The following MAOA variants were observed in gnomAD, a reference collection of about 807,000 sequenced individuals.
MAOA encodes the protein amine oxidase [flavin-containing] A.
In MAOA, 6 loss-of-function variants were observed where a neutral mutation model predicts 42.0. The ratio of observed to expected loss-of-function variants is 0.14; its 90% CI spans 0.08 to 0.28. The LOEUF (loss-of-function observed/expected upper bound fraction) is 0.28. Among genes scored for constraint, MAOA ranks in the 10% least tolerant of loss-of-function variants. MAOA has a pLI of 1.00. For synonymous variants in MAOA, 140 were observed against 154.0 expected, an observed-to-expected ratio of 0.91 and a Z score of 0.67; for missense variants, 262 against 422.3, an observed-to-expected ratio of 0.62 and a Z score of 3.33.
At chrX:43,655,280 C>G (rs1220126088), upstream of MAOA, 1 of 112,955 alleles carries the variant, frequency 8.9e-6, no homozygotes, top group Non-Finnish European at 1.9e-5. Context: ...CCAGCTTGGA[C>G]GACACCTCCT....
chrX:43,665,047 G>A (rs760975239), intron 1 of MAOA, among the ~76,000 whole-genome samples: 9 of 111,380 alleles, frequency 8.1e-5, no homozygotes, highest in African/African-American at 9.8e-5. Context: ...TGTCACTTTC[G>A]GGAATAAAGA....
intron 2 of MAOA, among the ~76,000 whole-genome samples, chrX:43,690,322 T>C (rs2033522557): frequency 9.0e-6 from 1 of 110,937 alleles, no homozygotes. Context: ...GTTTAATCCA[T>C]TCACGGAGTT....
intron 6 of MAOA, among the ~76,000 whole-genome samples, chrX:43,729,021 G>C (rs1158511054): frequency 2.7e-5 from 3 of 112,643 alleles, no homozygotes; most frequent in African/African-American, 9.7e-5. Context: ...GATGGTATGA[G>C]GTTTAATTAG....
At chrX:43,674,547 G>A (rs2147076445) in intron 1 of MAOA, among the ~76,000 whole-genome samples, 1 of 110,960 alleles carries the variant, frequency 9.0e-6, no homozygotes, top group South Asian at 3.9e-4. Flanking sequence ...AGTCTCAATG[G>A]TCTTTACATT....
intron 5 of MAOA, among the ~76,000 whole-genome samples, chrX:43,727,696 G>A (rs1186665905): frequency 8.9e-6 from 1 of 112,688 alleles, no homozygotes; most frequent in Non-Finnish European, 1.9e-5. Context: ...GCGCAAGAGT[G>A]TACCGTTCTT....
chrX:43,724,326 G>T (rs770636085), intron 5 of MAOA, among the ~76,000 whole-genome samples: 239 of 111,144 alleles, frequency 2.2e-3, no homozygotes, highest in Non-Finnish European at 2.1e-3. Context: ...TTTTTTGTTG[G>T]TAGGCTATTA....
At chrX:43,721,827 T>C (rs1304377778) in intron 5 of MAOA, among the ~76,000 whole-genome samples, 3 of 110,847 alleles carry the variant, frequency 2.7e-5, no homozygotes, top group Non-Finnish European at 5.7e-5. Flanking sequence ...CTCCTAATGC[T>C]ATCCCTCCCT....
intron 1 of MAOA, among the ~76,000 whole-genome samples, chrX:43,677,908 T>C (rs1199104029): frequency 1.8e-5 from 2 of 111,479 alleles, no homozygotes; most frequent in Non-Finnish European, 3.8e-5. Context: ...TTTGCTAGTG[T>C]TCACTTAGAC....
rs144545026 is a variant in MAOA, at chrX:43,683,481, T to C, written c.74-32T>C. On this transcript the variant is annotated intron_variant, in intron 1 of 14. Transcript: ENST00000338702. ...AAATCTTGGATTTTAAGCATTTGAA[T>C]GTTACGTTGCTCTTTTTTGTTTTTC... The C allele has an allele frequency of 1.3e-3, 1,416 of 1,055,368 alleles. 12 individuals carry two copies. In the African/African-American group the frequency reaches 0.02, roughly 15 times the overall value. 87.0% of individuals were successfully genotyped at this position (1,055,368 alleles called of 1,213,427 possible).
At chrX:43,656,279 T>A, upstream of MAOA, 1 of 1,050,298 alleles carries the variant, frequency 9.5e-7, no homozygotes, top group East Asian at 3.1e-5. Flanking sequence ...GATAGAAGGG[T>A]CCTTCCCACC....
chrX:43,728,078 A>T lies in MAOA; in HGVS notation c.504-95A>T, dbSNP rs1364269439. On this transcript the variant is annotated intron_variant, in intron 5 of 14. Transcript: ENST00000338702. The stretch of plus-strand genomic sequence containing the variant: ...AGTTTTTTTCAATTGCAACAGAAAA[A>T]CTTTCTGAACACACTAAATCGTGTT... 8 of 898,346 alleles carry T rather than the reference A, an allele frequency of 8.9e-6. No individual in the cohort carries two copies. The African/African-American group carries it at 1.6e-4, about 18-fold the overall frequency. 74.0% of individuals were successfully genotyped at this position (898,346 alleles called of 1,213,427 possible). A position where few individuals can be genotyped will look rare whatever the true frequency, so the allele number is the denominator to read the frequency against.
chrX:43,703,060 TAA>T (rs373351829), intron 3 of MAOA, among the ~76,000 whole-genome samples: 6 of 107,914 alleles, frequency 5.6e-5, no homozygotes, highest in African/African-American at 2.0e-4. Flanking sequence ...ATCTGTAGAT[TAA>T]AAAAAAAATA....
intron 3 of MAOA, among the ~76,000 whole-genome samples, chrX:43,703,876 T>C (rs1305160089): frequency 9.0e-6 from 1 of 111,288 alleles, no homozygotes; most frequent in Non-Finnish European, 1.9e-5. Context: ...CCTATAAAGA[T>C]CAGAGTAAGA....
chrX:43,736,357 C>T, intron 10 of MAOA, 77 bp downstream of exon 10: 12 of 653,695 alleles, frequency 1.8e-5, no homozygotes, highest in Non-Finnish European at 2.6e-5. Context: ...AGTAGAATAA[C>T]ATGAGGAAAA....
Position 43,742,054 on chromosome X carries a change from C to G in MAOA, c.1262+7C>G, listed in dbSNP as rs773216160. 1.7e-6 allele frequency: 2 copies of G among 1,211,218 alleles called. No homozygotes were observed. Among genetic ancestry groups the G allele is most frequent in the South Asian group, 3.5e-5 (2 of 56,864 alleles). The stretch of plus-strand genomic sequence containing the variant: ...TCATGACTCAATATGGAAGGTATTA[C>G]GCAAGCACTACGCCAATTAATCCAA... On this transcript the variant is annotated splice_region_variant and intron_variant, in intron 12 of 14. Coordinates refer to ENST00000338702, the MANE Select transcript of MAOA (RefSeq NM_000240.4).
chrX:43,694,299 C>T lies in MAOA; in HGVS notation c.306+871C>T, dbSNP rs139563686. ...CCACCTCGGGCAATAACTGTGGGTCCGGAGGCTACAGGGCTTTGGGTGTGT... is the reference window on the plus strand; with the variant it reads ...CCACCTCGGGCAATAACTGTGGGTCTGGAGGCTACAGGGCTTTGGGTGTGT... On this transcript the variant is annotated intron_variant, in intron 3 of 14. Transcript: ENST00000338702. Among the ~76,000 whole-genome samples the T allele has an allele frequency of 6.0e-3, 669 of 111,431 alleles. 5 individuals carry two copies. The highest frequency in any genetic ancestry group is 0.02 in the African/African-American group (600 of 30,628).
At chrX:43,666,606 C>T (rs1050129263) in intron 1 of MAOA, among the ~76,000 whole-genome samples, 15 of 110,978 alleles carry the variant, frequency 1.4e-4, no homozygotes, top group Non-Finnish European at 2.1e-4. Flanking sequence ...TCTTTTGCCC[C>T]ACTACAGTCT....
At chrX:43,656,255 T>A, upstream of MAOA, 1 of 850,539 alleles carries the variant, frequency 1.2e-6, no homozygotes, top group Non-Finnish European at 1.7e-6. Context: ...GCCCCCGGGC[T>A]CCCCGGGGGA....
intron 3 of MAOA, among the ~76,000 whole-genome samples, chrX:43,700,125 T>C (rs1327873579): frequency 8.9e-6 from 1 of 111,998 alleles, no homozygotes; most frequent in Non-Finnish European, 1.9e-5. Flanking sequence ...GATGCCATGC[T>C]ATTAATATTG....
Sources: allele counts gnomAD v4.1 joint callset (sites outside exome capture counted in the v4.1 genomes callset), GRCh38; gene constraint gnomAD v4.1.1; transcripts MANE v1.5; gene names NCBI Gene and HGNC (gene_info 2026-07-23, HGNC 2026-07-21).